The following IFT140 variants were observed in gnomAD, a reference collection of about 807,000 sequenced individuals.
IFT140 encodes the protein intraflagellar transport 140.
In IFT140, 133 loss-of-function variants were observed where a neutral mutation model predicts 164.6. That is an observed-to-expected ratio of 0.81 (90% CI 0.70 to 0.93). IFT140 has a LOEUF of 0.93. Ranked by LOEUF, IFT140 falls within the 40% of genes least tolerant of loss-of-function variation. IFT140 has a pLI of 0.00. For synonymous variants in IFT140, 860 were observed against 817.3 expected, an observed-to-expected ratio of 1.05 and a Z score of -0.89; for missense variants, 2,045 against 1,972.3, an observed-to-expected ratio of 1.04 and a Z score of -0.70.
intron 14 of IFT140, among the ~76,000 whole-genome samples, chr16:1,570,467 G>C (rs76069945): frequency 0.053 from 8,002 of 152,114 alleles, 439 homozygotes; most frequent in Admixed American, 0.17. Context: ...GCGATGCCAG[G>C]CTCCTGCCAT....
At chr16:1,589,481 C>T (rs898566483) in intron 7 of IFT140, 124 bp downstream of exon 7, 16 of 919,050 alleles carry the variant, frequency 1.7e-5, no homozygotes, top group Non-Finnish European at 2.7e-5. Context: ...ACGTTAGCCG[C>T]CCTAACTCAG....
At chr16:1,569,364 A>C (rs2033902326) in intron 14 of IFT140, among the ~76,000 whole-genome samples, 1 of 151,880 alleles carries the variant, frequency 6.6e-6, no homozygotes, top group Non-Finnish European at 1.5e-5. Context: ...TGACTTACTC[A>C]TATCATTCGG....
rs187055062 is a variant in IFT140 at position 1,548,534 on chromosome 16, C to T, written c.2399+9401G>A. ...GGGCAGAATTTCGTGTTTGCTAAAA[C>T]TCTTCCCTTACATTTGTTTCTAGAC... On this transcript the variant is annotated intron_variant, in intron 19 of 30. Coordinates refer to ENST00000426508, the MANE Select transcript of IFT140 (RefSeq NM_014714.4). Among the ~76,000 whole-genome samples, 6 of 152,368 alleles carry T rather than the reference C, an allele frequency of 3.9e-5. No homozygotes were observed. The East Asian group carries it at 1.2e-3, about 29-fold the overall frequency.
At chr16:1,563,701 G>T (rs1398131255) in intron 17 of IFT140, among the ~76,000 whole-genome samples, 1 of 152,164 alleles carries the variant, frequency 6.6e-6, no homozygotes, top group Non-Finnish European at 1.5e-5. Flanking sequence ...ATCAGTGGGA[G>T]CTGTGAGGCA....
chr16:1,550,612 G>T (rs1474135575), intron 19 of IFT140, among the ~76,000 whole-genome samples: 1 of 152,190 alleles, frequency 6.6e-6, no homozygotes, highest in Non-Finnish European at 1.5e-5. Flanking sequence ...CCGGCAGGCT[G>T]CCTCAGGGCA....
chr16:1,568,210 G>T lies in IFT140; in HGVS notation c.1770+7C>A, dbSNP rs760668598. ...GGAGTGGGCGAGTGGACGAGGGGTGGCCTCACCTTGCTGGGGAGGATGCTG... is the reference window on the plus strand; with the variant it reads ...GGAGTGGGCGAGTGGACGAGGGGTGTCCTCACCTTGCTGGGGAGGATGCTG... On this transcript the variant is annotated splice_region_variant and intron_variant, in intron 15 of 30. Coordinates refer to ENST00000426508, the MANE Select transcript of IFT140 (RefSeq NM_014714.4). 9.5e-6 allele frequency: 15 copies of T among 1,577,840 alleles called. No homozygotes were observed. In the South Asian group the frequency reaches 1.6e-4, roughly 17 times the overall value.
At chr16:1,583,558 G>A (rs927203671) in intron 11 of IFT140, among the ~76,000 whole-genome samples, 172 bp from the exon 12 acceptor site, 7 of 150,610 alleles carry the variant, frequency 4.6e-5, no homozygotes, top group South Asian at 2.1e-4. Context: ...GCTGTTTTCC[G>A]TGTTATATAA....
In IFT140 at chr16:1,605,291, CAG is replaced by C. The variant is rs1354723427; in HGVS notation, c.147+1827_147+1828del. ...GTACAGACAAGGACCCCAAAACACT[CAG>C]GGGGTGACACCTAGAAGCAACTGAT... is the stretch of plus-strand genomic sequence containing the variant. On this transcript the variant is annotated intron_variant, in intron 3 of 30. Transcript: ENST00000426508. Among the ~76,000 whole-genome samples the C allele has an allele frequency of 2.6e-5, 4 of 152,242 alleles. No homozygotes were observed. In the South Asian group the frequency reaches 6.2e-4, roughly 24 times the overall value.
At chr16:1,572,536 C>T (rs1227744370) in intron 13 of IFT140, among the ~76,000 whole-genome samples, 1 of 152,178 alleles carries the variant, frequency 6.6e-6, no homozygotes, top group Non-Finnish European at 1.5e-5. Context: ...GTCCCAGCTA[C>T]TCGGGAGGCT....
chr16:1,534,600 C>T lies in IFT140; in HGVS notation c.2400-7804G>A, dbSNP rs542513273. The T allele has an allele frequency of 3.1e-5, 49 of 1,597,858 alleles. No individual in the cohort carries two copies. The South Asian group carries it at 3.8e-4, about 13-fold the overall frequency. On this transcript the variant is annotated intron_variant, in intron 19 of 30. Coordinates refer to ENST00000426508, the MANE Select transcript of IFT140 (RefSeq NM_014714.4). The stretch of plus-strand genomic sequence containing the variant: ...TGATGCCTTCAGCGTGGCCGAGGCT[C>T]GAGGGCACATGGGAGATGTTAGGCG...
chr16:1,545,299 G>A (rs2032074745), intron 19 of IFT140, among the ~76,000 whole-genome samples: 1 of 151,772 alleles, frequency 6.6e-6, no homozygotes, highest in Non-Finnish European at 1.5e-5. Flanking sequence ...CCAGGGCGAG[G>A]GCCAGCAGCA....
intron 1 of IFT140, among the ~76,000 whole-genome samples, chr16:1,611,074 G>A (rs1268590842): frequency 6.6e-6 from 1 of 152,212 alleles, no homozygotes; most frequent in Non-Finnish European, 1.5e-5. Flanking sequence ...TTCTAGTTTC[G>A]GAGCGGAGGG....
In IFT140 at chr16:1,564,509, C is replaced by T. The variant is rs1032254565; in HGVS notation, c.1902-347G>A. Among the ~76,000 whole-genome samples the T allele has an allele frequency of 3.3e-5, 5 of 152,200 alleles. No homozygotes were observed. The highest frequency in any genetic ancestry group is 2.6e-4 in the Admixed American group (4 of 15,276). On this transcript the variant is annotated intron_variant, in intron 16 of 30. Transcript: ENST00000426508. This position sits in a 1 kb window ranked among gnomAD's most constrained non-coding sequence, Gnocchi z 5.5. ...AGGCCAACCTCGAGGTGGGATGGCA[C>T]CCCCTGCTGGGCGGGGTCGAGGCTT...
At chr16:1,606,321 C>T (rs927493990) in intron 3 of IFT140, among the ~76,000 whole-genome samples, 5 of 152,228 alleles carry the variant, frequency 3.3e-5, no homozygotes, top group African/African-American at 1.2e-4. Context: ...CTGATAGTGG[C>T]TTAATGCTGA....
At chr16:1,550,015 G>A (rs1479926522) in intron 19 of IFT140, among the ~76,000 whole-genome samples, 2 of 152,060 alleles carry the variant, frequency 1.3e-5, no homozygotes, top group East Asian at 1.9e-4. Context: ...GAGTGCAATG[G>A]TGCAATCACG....
intron 3 of IFT140, among the ~76,000 whole-genome samples, chr16:1,602,832 C>T (rs1266111641): frequency 1.3e-5 from 2 of 151,954 alleles, no homozygotes; most frequent in East Asian, 1.9e-4. Flanking sequence ...CCCAGCTACT[C>T]GGGAGGCTAA....
chr16:1,587,123 T>C, intron 9 of IFT140, 75 bp downstream of exon 9: 1 of 923,174 alleles, frequency 1.1e-6, no homozygotes, highest in Non-Finnish European at 1.8e-6. Flanking sequence ...CACGTTTCAC[T>C]ACCATTATTT....
chr16:1,584,781 G>A (rs780173858), intron 10 of IFT140, among the ~76,000 whole-genome samples: 4 of 152,140 alleles, frequency 2.6e-5, no homozygotes, highest in Non-Finnish European at 4.4e-5. Context: ...TTACATAATG[G>A]ATTAAATTAT....
At chr16:1,579,195 G>T in intron 13 of IFT140, 1 of 152,236 alleles carries the variant, frequency 6.6e-6, no homozygotes. Context: ...TCGTAAGGAA[G>T]GGAAAATATG....
Sources: gnomAD v4.1 joint callset for allele counts (sites outside exome capture counted in the v4.1 genomes callset) on GRCh38, gnomAD v4.1.1 for gene constraint, Gnocchi (gnomAD v3.1) non-coding constraint, MANE v1.5 for transcripts, NCBI Gene and HGNC (gene_info 2026-07-23, HGNC 2026-07-21) for gene names.